The following VPS13B variants were observed in gnomAD, a reference collection of about 807,000 sequenced individuals.
The protein encoded by VPS13B is intermembrane lipid transfer protein VPS13B.
VPS13B carries 285 observed loss-of-function variants against 426.4 expected under a neutral mutation model. That is an observed-to-expected ratio of 0.67 (90% CI 0.61 to 0.74). The LOEUF is 0.74. Ranked by LOEUF, VPS13B falls within the 30% of genes least tolerant of loss-of-function variation. The pLI, the probability that VPS13B is intolerant of heterozygous loss-of-function variation, is 0.00. For missense variants in VPS13B, 4,537 were observed against 4,782.6 expected (o/e 0.95, Z 1.51); for synonymous variants, 1,676 against 1,676.4 (o/e 1.00, Z 0.01).
chr8:99,763,260 A>G (rs1017142992), intron 39 of VPS13B, among the ~76,000 whole-genome samples: 3 of 152,000 alleles, frequency 2.0e-5, no homozygotes, highest in African/African-American at 7.2e-5. Context: ...CAACTTCTAT[A>G]CTTCTTTGTG....
At chr8:99,850,271 A>G (rs544985157) in intron 55 of VPS13B, among the ~76,000 whole-genome samples, 7 of 136,476 alleles carry the variant, frequency 5.1e-5, no homozygotes, top group South Asian at 2.2e-4. Flanking sequence ...ATAAGTACGC[A>G]TGTATGTACT....
intron 8 of VPS13B, among the ~76,000 whole-genome samples, chr8:99,124,627 G>A (rs776677758): frequency 2.6e-5 from 4 of 151,966 alleles, no homozygotes; most frequent in East Asian, 1.9e-4. Context: ...TGGCTCATGC[G>A]TATAATCCCA....
intron 2 of VPS13B, among the ~76,000 whole-genome samples, chr8:99,028,713 G>A (rs569091404): frequency 0.72 from 76,276 of 105,902 alleles, 28,296 homozygotes; most frequent in South Asian, 0.85. Context: ...CTGGCCGGGT[G>A]GGGGGCTGAC....
intron 17 of VPS13B, among the ~76,000 whole-genome samples, chr8:99,196,470 T>G (rs1813935815): frequency 6.7e-6 from 1 of 149,740 alleles, no homozygotes; most frequent in African/African-American, 2.4e-5. Context: ...TTTAGGGGTT[T>G]TTTTTTTTTT....
intron 19 of VPS13B, among the ~76,000 whole-genome samples, chr8:99,365,213 A>G (rs1812791498): frequency 6.6e-6 from 1 of 150,778 alleles, no homozygotes; most frequent in African/African-American, 2.4e-5. Context: ...TTACCTTTTC[A>G]AAAAATCAAT....
At chr8:99,039,965 C>CT (rs1280007821) in intron 3 of VPS13B, among the ~76,000 whole-genome samples, 1 of 151,994 alleles carries the variant, frequency 6.6e-6, no homozygotes, top group Non-Finnish European at 1.5e-5. Flanking sequence ...CAAAGTTTTA[C>CT]TTTCCATTTA....
In VPS13B at chr8:99,761,991, C is replaced by A. The variant is rs560931164; in HGVS notation, c.7051-4783C>A. ...GCTTTTTCTCAACTCATTTGCCCTT[C>A]CCTTGTCCACTGAGTTTTTGTTTGT... On this transcript the variant is annotated intron_variant, in intron 39 of 61. Transcript: ENST00000357162. Among the ~76,000 whole-genome samples the A allele has an allele frequency of 2.0e-5, 3 of 151,940 alleles. No individual in the cohort carries two copies. The South Asian group carries it at 6.2e-4, about 32-fold the overall frequency.
chr8:99,163,721 A>G (rs1811822857), intron 15 of VPS13B, among the ~76,000 whole-genome samples: 2 of 152,264 alleles, frequency 1.3e-5, no homozygotes, highest in Admixed American at 6.5e-5. Context: ...CCATGTCCAC[A>G]CAGAACTCCA....
rs189948782 is a variant in VPS13B, at chr8:99,720,355, G to A, written c.6668G>A (p.Gly2223Asp). 5 of 1,612,542 alleles carry A rather than the reference G, an allele frequency of 3.1e-6. No homozygotes were observed. The highest frequency in any genetic ancestry group is 2.7e-5 in the African/African-American group (2 of 74,978). The change falls in exon 38 of 62, where the codon GGT becomes GAT. Residue 2223 changes from glycine (G) to aspartate (D), a missense_variant. Coordinates refer to ENST00000357162, the MANE Select transcript of VPS13B (RefSeq NM_152564.5). ...TTTATGATTTTAAAGGTCTTCTGGG[G>A]TCAAGAACATTTGAATTGTTTAGTT... ...LRGGLLQVFW[G>D]QEHLNCLVLL...
chr8:99,140,574 T>C (rs1810358531), intron 12 of VPS13B, among the ~76,000 whole-genome samples: 1 of 104,378 alleles, frequency 9.6e-6, no homozygotes, highest in South Asian at 2.6e-4. Flanking sequence ...CCTTTCTTCT[T>C]GCTGCTGCTG....
intron 55 of VPS13B, among the ~76,000 whole-genome samples, chr8:99,849,500 G>T (rs1301206534): frequency 1.3e-5 from 2 of 152,182 alleles, no homozygotes; most frequent in Non-Finnish European, 2.9e-5. Flanking sequence ...AATTAACAAT[G>T]ATGTTGTATC....
intron 35 of VPS13B, among the ~76,000 whole-genome samples, chr8:99,685,054 G>A (rs1028173450): frequency 2.6e-5 from 4 of 152,178 alleles, no homozygotes; most frequent in Non-Finnish European, 4.4e-5. Context: ...ACCCGCCTTG[G>A]CCTACCAAAG....
Position 99,854,040 on chromosome 8 carries a change from GCCAGGGCCTTGGTGAAT to G in VPS13B, c.10654_10670del (p.Arg3552CysfsTer38), listed in dbSNP as rs1563510171. On this transcript the variant is annotated frameshift_variant, in exon 56 of 62. Transcript: ENST00000357162. LOFTEE classifies it high-confidence loss of function. ...GTTGCCCATGCAGGTCACACAGCAC[GCCAGGGCCTTGGTGAAT>G]CCTGTGAAGTTACGGAAACTGGTGA... 6.2e-7 allele frequency: 1 copy of G among 1,614,142 alleles called. No individual in the cohort carries two copies. The highest frequency in any genetic ancestry group is 1.7e-5 in the Admixed American group (1 of 60,030).
intron 5 of VPS13B, among the ~76,000 whole-genome samples, chr8:99,105,151 G>A (rs930027499): frequency 3.3e-5 from 5 of 152,128 alleles, no homozygotes; most frequent in Non-Finnish European, 7.4e-5. Flanking sequence ...TTTAACAAAA[G>A]GAGAGTAGTC....
chr8:99,536,626 T>C (rs1408758828), intron 30 of VPS13B: 1 of 534,142 alleles, frequency 1.9e-6, no homozygotes, highest in African/African-American at 1.9e-5. Flanking sequence ...ATCCTTTAAC[T>C]GAATTGACTG....
chr8:99,327,023 C>T (rs917059653), intron 19 of VPS13B, among the ~76,000 whole-genome samples: 1 of 152,164 alleles, frequency 6.6e-6, no homozygotes, highest in African/African-American at 2.4e-5. Context: ...TCTTCCCCTA[C>T]CCTCCACCTA....
intron 21 of VPS13B, among the ~76,000 whole-genome samples, chr8:99,428,458 C>A (rs560220763): frequency 6.6e-6 from 1 of 152,256 alleles, no homozygotes; most frequent in Non-Finnish European, 1.5e-5. Context: ...ACAACCCCAT[C>A]AAAAAGTGGG....
At chr8:99,023,453 G>T (rs893762182) in intron 2 of VPS13B, among the ~76,000 whole-genome samples, 22 of 150,764 alleles carry the variant, frequency 1.5e-4, no homozygotes, top group Admixed American at 1.2e-3. Flanking sequence ...TCCGTTGTGT[G>T]TACACACCAC....
rs111284946 is a variant in VPS13B, at chr8:99,273,332, TA to T, written c.2516-865del. Reference sequence around the variant, plus strand: ...TGCCACCACGCCCAGCTAATTTTTGTACTTTTTTTTTTTTTAGTAGAGATGG... The same window carrying T: ...TGCCACCACGCCCAGCTAATTTTTGTCTTTTTTTTTTTTTAGTAGAGATGG... On this transcript the variant is annotated intron_variant, in intron 17 of 61. Transcript: ENST00000357162. Among the ~76,000 whole-genome samples the T allele has an allele frequency of 8.4e-3, 583 of 69,390 alleles. 6 individuals are homozygous for T. The highest frequency in any genetic ancestry group is 0.026 in the African/African-American group (519 of 20,046). 45.5% of individuals were successfully genotyped at this position (69,390 alleles called of 152,430 possible).
Sources: allele counts gnomAD v4.1 joint callset (sites outside exome capture counted in the v4.1 genomes callset), GRCh38; gene constraint gnomAD v4.1.1; transcripts MANE v1.5; gene names NCBI Gene and HGNC (gene_info 2026-07-23, HGNC 2026-07-21).